Variants in AP1S1 observed in about 807,000 individuals in gnomAD.
The protein encoded by AP1S1 is adaptor related protein complex 1 subunit sigma 1, also known as AP-1 complex subunit sigma-1A.
AP1S1 carries 13 observed loss-of-function variants against 23.9 expected under a neutral mutation model. The ratio of observed to expected loss-of-function variants is 0.54; its 90% CI spans 0.35 to 0.86. The LOEUF (loss-of-function observed/expected upper bound fraction) is 0.86, where lower values mean the gene tolerates loss of function less well. Among genes scored for constraint, AP1S1 ranks in the 40% least tolerant of loss-of-function variants. The probability of loss-of-function intolerance (pLI) is 0.01; values close to 1 mark genes in which losing one functional copy is unlikely to be tolerated. For missense variants in AP1S1, 119 were observed against 197.6 expected (o/e 0.60, Z 2.38); for synonymous variants, 84 against 77.7 (o/e 1.08, Z -0.43).
At chr7:101,158,944 A>G (rs1797039531) in intron 3 of AP1S1, 115 bp from the exon 4 acceptor site, 2 of 1,367,612 alleles carry the variant, frequency 1.5e-6, no homozygotes, top group Non-Finnish European at 9.9e-7. Flanking sequence ...AAAGCTGACC[A>G]ATGACTAAGG....
intron 4 of AP1S1, among the ~76,000 whole-genome samples, chr7:101,159,775 G>A (rs1205912361): frequency 1.3e-5 from 2 of 151,834 alleles, no homozygotes; most frequent in African/African-American, 4.8e-5. Context: ...CCCCCTCTCT[G>A]CTGTGCCATC....
Position 101,154,521 on chromosome 7 carries a change from G to T in AP1S1, c.3+4G>T. The stretch of plus-strand genomic sequence containing the variant: ...CCGAGCCGGAGGCTGCAGGATGGTA[G>T]GCTGTGCGAAGAGGGAGGGGAGGGG... On this transcript the variant is annotated splice_donor_region_variant and intron_variant, in intron 1 of 4. Transcript: ENST00000337619. 6.4e-7 allele frequency: 1 copy of T among 1,571,438 alleles called. No individual in the cohort carries two copies. The highest frequency in any genetic ancestry group is 1.9e-5 in the Admixed American group (1 of 53,294).
chr7:101,154,504 G>C lies in AP1S1; in HGVS notation c.-11G>C. ...GGCCGAAGTGGGACGCGCCGAGCCG[G>C]AGGCTGCAGGATGGTAGGCTGTGCG... On this transcript the variant is annotated 5_prime_UTR_variant, in exon 1 of 5. Transcript: ENST00000337619. 12 of 1,573,890 alleles carry C rather than the reference G, an allele frequency of 7.6e-6. No homozygotes were observed. The highest frequency in any genetic ancestry group is 1.0e-5 in the Non-Finnish European group (12 of 1,160,350).
Position 101,159,192 on chromosome 7 carries a change from A to G in AP1S1, c.425A>G (p.Gln142Arg). ...GCCATCGAGCAGGCTGACCTACTGC[A>G]AGAGGTACGGGCCAGGGACAGTGAG... ...LKAIEQADLLQEEDESPRSVL... is the reference protein window; with the variant it reads ...LKAIEQADLLREEDESPRSVL... Residue 142 changes from glutamine to arginine, a missense_variant, in exon 4 of 5, where the codon CAA becomes CGA. Gln to Arg is a conservative substitution (Grantham distance 43). Coordinates refer to ENST00000337619, the MANE Select transcript of AP1S1 (RefSeq NM_001283.5). 6.2e-7 allele frequency: 1 copy of G among 1,610,770 alleles called. No homozygotes were observed. The highest frequency in any genetic ancestry group is 8.5e-7 in the Non-Finnish European group (1 of 1,178,578).
Position 101,159,173 on chromosome 7 carries a change from G to A in AP1S1, c.406G>A (p.Glu136Lys). The A allele has an allele frequency of 6.2e-7, 1 of 1,612,914 alleles. No individual in the cohort carries two copies. Among genetic ancestry groups the A allele is most frequent in the East Asian group, 2.2e-5 (1 of 44,862 alleles). ...TSKKSVLKAI[E>K]QADLLQEEDE... ...CAAGAAGAGTGTGCTGAAAGCCATC[G>A]AGCAGGCTGACCTACTGCAAGAGGT... Residue 136 changes from glutamate to lysine, a missense_variant, in exon 4 of 5, where the codon GAG (glutamate) becomes AAG (lysine). Physicochemically the swap from Glu to Lys is moderately conservative, Grantham distance 56. Transcript: ENST00000337619.
chr7:101,156,634 G>A lies in AP1S1; in HGVS notation c.44G>A (p.Arg15Gln), dbSNP rs1796995614. The A allele has an allele frequency of 6.2e-7, 1 of 1,612,388 alleles. No homozygotes were observed. Residue 15 changes from arginine to glutamine, a missense_variant, in exon 2 of 5, where the codon CGG becomes CAG. Coordinates refer to ENST00000337619, the MANE Select transcript of AP1S1 (RefSeq NM_001283.5). ...TTATTCAGCCGGCAGGGAAAACTGC[G>A]GCTGCAAAAATGGTACCTGGCCACT... ...MLLFSRQGKL[R>Q]LQKWYLATSD...
chr7:101,158,574 A>G (rs1247693457), intron 3 of AP1S1, among the ~76,000 whole-genome samples: 2 of 152,158 alleles, frequency 1.3e-5, no homozygotes, highest in African/African-American at 4.8e-5. Context: ...ATGTTTCATG[A>G]TCAGGAGGAA....
chr7:101,156,665 C>G lies in AP1S1; in HGVS notation c.75C>G (p.Asp25Glu). 6.2e-7 allele frequency: 1 copy of G among 1,611,980 alleles called. No individual in the cohort carries two copies. Among genetic ancestry groups the G allele is most frequent in the Non-Finnish European group, 8.5e-7 (1 of 1,179,170 alleles). ...RLQKWYLATS[D>E]KERKKMVREL... ...AAAAATGGTACCTGGCCACTTCGGA[C>G]AAGGAACGGAAGAAGATGGTGCGCG... The change falls in exon 2 of 5, where the codon GAC becomes GAG. Residue 25 changes from aspartate to glutamate, a missense_variant. By Grantham distance (45) the Asp-to-Glu change is conservative. Transcript: ENST00000337619.
At chr7:101,155,995 C>T (rs896044433) in intron 1 of AP1S1, among the ~76,000 whole-genome samples, 5 of 152,102 alleles carry the variant, frequency 3.3e-5, no homozygotes, top group South Asian at 4.1e-4. Flanking sequence ...TTTGGGAGGC[C>T]TAGGTGGGTG....
chr7:101,159,480 A>G, intron 4 of AP1S1: 1 of 439,968 alleles, frequency 2.3e-6, no homozygotes, highest in Non-Finnish European at 4.0e-6. Flanking sequence ...CCTTTGTCCA[A>G]TTCTCTGAGC....
intron 4 of AP1S1, among the ~76,000 whole-genome samples, 158 bp from the exon 5 acceptor site, chr7:101,160,361 A>G (rs1462917113): frequency 6.6e-6 from 1 of 151,948 alleles, no homozygotes; most frequent in South Asian, 2.1e-4. Flanking sequence ...TGCCCCATGA[A>G]GGGCTCACTG....
chr7:101,155,383 G>A (rs755952610), intron 1 of AP1S1, among the ~76,000 whole-genome samples: 2 of 152,164 alleles, frequency 1.3e-5, no homozygotes, highest in African/African-American at 2.4e-5. Flanking sequence ...GGAAGCTGGG[G>A]TACACTGGGC....
rs1043080702 is a variant in AP1S1, at chr7:101,160,724, T to G, written c.*158T>G. 1.3e-5 allele frequency: 11 copies of G among 844,664 alleles called. No individual in the cohort carries two copies. The highest frequency in any genetic ancestry group is 3.1e-4 in the Middle Eastern group (1 of 3,260). The allele number at this position is 844,664 out of a possible 1,614,324, so 52.3% of individuals were successfully genotyped here. A position where few individuals can be genotyped will look rare whatever the true frequency, so the allele number is the denominator to read the frequency against. ...CTGTGGGCTCAGGCCCTTCAAACAT[T>G]CCCTCCCTCCACCCCCTACCTCCAC... On this transcript the variant is annotated 3_prime_UTR_variant, in exon 5 of 5. Transcript: ENST00000337619.
chr7:101,156,621 C>T lies in AP1S1; in HGVS notation c.31C>T (p.Gln11Ter). ...GCGGTTCATGCTATTATTCAGCCGG[C>T]AGGGAAAACTGCGGCTGCAAAAATG... Reference protein sequence around the residue: MMRFMLLFSRQGKLRLQKWYL... With the variant: MMRFMLLFSR Residue 11 changes from glutamine (Q) to a stop codon, truncating the protein, a stop_gained, in exon 2 of 5, where the codon CAG becomes TAG. Coordinates refer to ENST00000337619, the MANE Select transcript of AP1S1 (RefSeq NM_001283.5). LOFTEE classifies it high-confidence loss of function. The T allele has an allele frequency of 6.2e-7, 1 of 1,612,486 alleles. No individual in the cohort carries two copies. The highest frequency in any genetic ancestry group is 8.5e-7 in the Non-Finnish European group (1 of 1,179,354).
chr7:101,158,917 G>A (rs939354515), intron 3 of AP1S1, 142 bp from the exon 4 acceptor site: 11 of 1,155,586 alleles, frequency 9.5e-6, no homozygotes, highest in African/African-American at 4.7e-5. Context: ...ACAAAATAAC[G>A]AAACAAAAAA....
rs758999637 is a variant in AP1S1, at chr7:101,154,650, CGG to C, written c.3+135_3+136del. On this transcript the variant is annotated intron_variant, in intron 1 of 4. Transcript: ENST00000337619. ...TCCTCAGAGGCCTCCCTTGCCTCGG[CGG>C]GTGGGCGAGCCGGGCTCGGGAGGAA... 2.4e-5 allele frequency: 20 copies of C among 850,776 alleles called. No individual in the cohort carries two copies. In the South Asian group the frequency reaches 6.5e-4, roughly 28 times the overall value. 52.7% of individuals were successfully genotyped at this position (850,776 alleles called of 1,614,324 possible).
chr7:101,160,006 A>ACACGCCCTGGCACACACACC (rs147914700), intron 4 of AP1S1, among the ~76,000 whole-genome samples: 13 of 147,540 alleles, frequency 8.8e-5, no homozygotes, highest in Non-Finnish European at 1.5e-4. Flanking sequence ...ACACACACAC[A>ACACGCCCTGGCACACACACC]CATGCCCTGG....
At chr7:101,158,630 G>A (rs1584204762) in intron 3 of AP1S1, among the ~76,000 whole-genome samples, 1 of 152,192 alleles carries the variant, frequency 6.6e-6, no homozygotes, top group Non-Finnish European at 1.5e-5. Flanking sequence ...GGCAAGGCGC[G>A]GTGGCTCACG....
At chr7:101,157,346 G>T in intron 2 of AP1S1, 31 bp from the exon 3 acceptor site, 1 of 1,517,596 alleles carries the variant, frequency 6.6e-7, no homozygotes. Flanking sequence ...AAGCAAGCTT[G>T]TAGCGATGTC....
Sources: allele counts gnomAD v4.1 joint callset (sites outside exome capture counted in the v4.1 genomes callset), GRCh38; gene constraint gnomAD v4.1.1; transcripts MANE v1.5; gene names NCBI Gene and HGNC (gene_info 2026-07-23, HGNC 2026-07-21).